Variants in MYCBP2 observed in about 807,000 individuals in gnomAD.
MYCBP2 encodes MYC binding protein 2.
In MYCBP2, 120 loss-of-function variants were observed where a neutral mutation model predicts 525.3. The ratio of observed to expected loss-of-function variants is 0.23; its 90% CI spans 0.20 to 0.27. The LOEUF is 0.27. Ranked by LOEUF, MYCBP2 falls within the 10% of genes least tolerant of loss-of-function variation. The pLI, the probability that MYCBP2 is intolerant of heterozygous loss-of-function variation, is 1.00. For missense variants in MYCBP2, 4,149 were observed against 5,657.1 expected (o/e 0.73, Z 8.55); for synonymous variants, 1,894 against 1,955.8 (o/e 0.97, Z 0.83).
intron 26 of MYCBP2, among the ~76,000 whole-genome samples, chr13:77,199,124 A>C (rs2154266355): frequency 6.6e-6 from 1 of 152,268 alleles, no homozygotes; most frequent in East Asian, 1.9e-4. Context: ...TTTCCATCTG[A>C]GGTACCGGGT....
Position 77,081,823 on chromosome 13 carries a change from C to A in MYCBP2, c.11193+14G>T. 6.2e-7 allele frequency: 1 copy of A among 1,605,818 alleles called. No homozygotes were observed. Among genetic ancestry groups the A allele is most frequent in the Admixed American group, 1.7e-5 (1 of 58,704 alleles). On this transcript the variant is annotated intron_variant, in intron 64 of 82. Transcript: ENST00000544440. The surrounding 1 kb of genome is among the most constrained non-coding windows in gnomAD (Gnocchi z 4.6). ...ACTAACAGGACAACCAGGATAATAA[C>A]TGAAATGACTGACCTGACTCATAGC... is the stretch of plus-strand genomic sequence containing the variant.
chr13:77,128,456 TC>T (rs2154169165), intron 52 of MYCBP2, among the ~76,000 whole-genome samples: 1 of 152,020 alleles, frequency 6.6e-6, no homozygotes, highest in Non-Finnish European at 1.5e-5. Context: ...TTTTGATCAT[TC>T]AGGGTAACAC....
chr13:77,314,885 T>C, intron 1 of MYCBP2, among the ~76,000 whole-genome samples: 1 of 152,156 alleles, frequency 6.6e-6, no homozygotes. Flanking sequence ...AAAATCTCTG[T>C]ACCCTCTTCT....
At chr13:77,063,783 T>C (rs1039146244) in intron 73 of MYCBP2, among the ~76,000 whole-genome samples, 5 of 151,700 alleles carry the variant, frequency 3.3e-5, no homozygotes, top group Admixed American at 3.3e-4. Flanking sequence ...AAAGAAATAA[T>C]GCATGCAAGG....
intron 69 of MYCBP2, 110 bp downstream of exon 69, chr13:77,070,521 A>C: frequency 3.0e-6 from 2 of 663,128 alleles, no homozygotes; most frequent in Admixed American, 2.7e-5. Flanking sequence ...AAGCCAAAAG[A>C]TTGGACATCC....
intron 21 of MYCBP2, among the ~76,000 whole-genome samples, chr13:77,215,670 T>A (rs1271080185): frequency 6.6e-6 from 1 of 152,164 alleles, no homozygotes; most frequent in Non-Finnish European, 1.5e-5. Context: ...CACTACAGCC[T>A]CGACCTCCAG....
At chr13:77,133,342 T>C (rs9530622) in intron 52 of MYCBP2, among the ~76,000 whole-genome samples, 6,676 of 152,284 alleles carry the variant, frequency 0.044, 233 homozygotes, top group Admixed American at 0.11. Context: ...TTAGAAATTA[T>C]TTTAAACAGA....
chr13:77,198,007 T>C (rs1449097587), intron 26 of MYCBP2, among the ~76,000 whole-genome samples: 2 of 152,202 alleles, frequency 1.3e-5, no homozygotes, highest in Non-Finnish European at 2.9e-5. Context: ...CGTTGTTCAC[T>C]ATTCCGAAAA....
intron 26 of MYCBP2, among the ~76,000 whole-genome samples, chr13:77,205,038 T>TA (rs773112447): frequency 5.3e-5 from 8 of 151,978 alleles, no homozygotes; most frequent in Non-Finnish European, 1.0e-4. Flanking sequence ...CCCTAAAACT[T>TA]AAAGTATAAT....
chr13:77,206,490 T>C (rs1239955399), intron 24 of MYCBP2, among the ~76,000 whole-genome samples, 163 bp downstream of exon 24: 2 of 152,100 alleles, frequency 1.3e-5, no homozygotes, highest in Non-Finnish European at 2.9e-5. Context: ...GTCTCATGTA[T>C]TGTTTTCTGT....
chr13:77,101,509 G>C (rs1289248280), intron 55 of MYCBP2, among the ~76,000 whole-genome samples: 1 of 151,982 alleles, frequency 6.6e-6, no homozygotes, highest in African/African-American at 2.4e-5. Flanking sequence ...CCAAATACCA[G>C]GAACACCACT....
intron 21 of MYCBP2, among the ~76,000 whole-genome samples, chr13:77,212,924 C>T (rs990113573): frequency 2.0e-5 from 3 of 152,166 alleles, no homozygotes; most frequent in Non-Finnish European, 4.4e-5. Context: ...TCTCTCCCCT[C>T]ACAGCATTCT....
chr13:77,205,697 A>T lies in MYCBP2; in HGVS notation c.3590-99T>A, dbSNP rs970818864. 3 of 994,144 alleles carry T rather than the reference A, an allele frequency of 3.0e-6. No individual in the cohort carries two copies. The African/African-American group carries it at 5.0e-5, about 17-fold the overall frequency. 61.6% of individuals were successfully genotyped at this position (994,144 alleles called of 1,614,324 possible). A position where few individuals can be genotyped will look rare whatever the true frequency, so the allele number is the denominator to read the frequency against. ...ATAGGGGATAAATTAAAATAAATAA[A>T]CTCAGAATGTTACTCCAAGCTTTAA... is the stretch of plus-strand genomic sequence containing the variant. On this transcript the variant is annotated intron_variant, in intron 24 of 82. Transcript: ENST00000544440.
At position 77,076,815 on chromosome 13, in the gene MYCBP2, G is replaced by C; in HGVS notation, c.11759C>G (p.Pro3920Arg). ...TGCTTTTTCCTCTTGTTCTGGTGTA[G>C]GTTCAGCATCTCCAGAGATGAGCTT... The part of the protein sequence containing the change: ...FGKLISGDAE[P>R]TPEQEEKALL... The change falls in exon 68 of 83, where the codon CCT becomes CGT. Residue 3920 changes from proline to arginine, a missense_variant. By Grantham distance (103) the Pro-to-Arg change is moderately radical (BLOSUM62 -2). Transcript: ENST00000544440. 6.2e-7 allele frequency: 1 copy of C among 1,613,108 alleles called. No individual in the cohort carries two copies. The highest frequency in any genetic ancestry group is 8.5e-7 in the Non-Finnish European group (1 of 1,179,438).
In MYCBP2 at chr13:77,326,377, A is replaced by T; in HGVS notation, c.302+97T>A. ...CTGAAAGCTCAATAAATGCGCAGGT[A>T]CACACACGCAAGCACACACACACGC... On this transcript the variant is annotated intron_variant, in intron 1 of 82. Coordinates refer to ENST00000544440, the MANE Select transcript of MYCBP2 (RefSeq NM_015057.5). This position sits in a 1 kb window ranked among gnomAD's most constrained non-coding sequence, Gnocchi z 4.2. 1 of 1,210,370 alleles carries T rather than the reference A, an allele frequency of 8.3e-7. No homozygotes were observed. The highest frequency in any genetic ancestry group is 1.1e-6 in the Non-Finnish European group (1 of 895,904). The allele number at this position is 1,210,370 out of a possible 1,614,324, so 75.0% of individuals were successfully genotyped here.
At chr13:77,055,844 G>T in intron 79 of MYCBP2, 77 bp from the exon 80 acceptor site, 1 of 969,840 alleles carries the variant, frequency 1.0e-6, no homozygotes, top group Non-Finnish European at 1.6e-6. Context: ...GCACCTAAGT[G>T]CCAAGCATTG....
chr13:77,289,109 T>A (rs1182689785), intron 2 of MYCBP2, among the ~76,000 whole-genome samples: 1 of 152,046 alleles, frequency 6.6e-6, no homozygotes. Context: ...TTAGAGTATG[T>A]CCAGGAAGTA....
At chr13:77,079,176 T>G (rs1208563643) in intron 65 of MYCBP2, among the ~76,000 whole-genome samples, 1 of 152,190 alleles carries the variant, frequency 6.6e-6, no homozygotes. Context: ...TCCTTCCTCA[T>G]GAAGCCTTTC....
intron 13 of MYCBP2, among the ~76,000 whole-genome samples, chr13:77,259,350 C>A (rs1425799979): frequency 6.6e-6 from 1 of 152,074 alleles, no homozygotes; most frequent in Non-Finnish European, 1.5e-5. Flanking sequence ...TTCTGTAATA[C>A]CCAACTGTCT....
Sources: allele counts gnomAD v4.1 joint callset (sites outside exome capture counted in the v4.1 genomes callset), GRCh38; gene constraint gnomAD v4.1.1; non-coding constraint Gnocchi (gnomAD v3.1); transcripts MANE v1.5; gene names NCBI Gene and HGNC (gene_info 2026-07-23, HGNC 2026-07-21).